Variants in SF3B1 observed in about 807,000 individuals in gnomAD.
SF3B1 encodes the protein splicing factor 3b subunit 1.
A neutral mutation model predicts 153.8 loss-of-function variants in SF3B1; 12 were observed. The ratio of observed to expected loss-of-function variants is 0.08; its 90% CI spans 0.05 to 0.13. The LOEUF is 0.13. Among genes scored for constraint, SF3B1 ranks in the 10% least tolerant of loss-of-function variants. The pLI is 1.00. For synonymous variants in SF3B1, 498 were observed against 525.2 expected (o/e 0.95, Z 0.71); for missense variants, 513 against 1,606.1 (o/e 0.32, Z 11.63).
intron 6 of SF3B1, among the ~76,000 whole-genome samples, chr2:197,410,582 AGCAACCTCT>A (rs1438944100): frequency 2.1e-5 from 3 of 143,322 alleles, no homozygotes; most frequent in African/African-American, 7.9e-5. Context: ...CTTGGCTCAC[AGCAACCTCT>A]GCCTCCCGGG....
Position 197,405,065 on chromosome 2 carries a change from C to T in SF3B1, c.1539+11G>A. The T allele has an allele frequency of 6.6e-7, 1 of 1,525,868 alleles. No individual in the cohort carries two copies. Among genetic ancestry groups the T allele is most frequent in the Non-Finnish European group, 9.0e-7 (1 of 1,116,978 alleles). 94.5% of individuals were successfully genotyped at this position (1,525,868 alleles called of 1,614,324 possible). On this transcript the variant is annotated intron_variant, in intron 11 of 24. Coordinates refer to ENST00000335508, the MANE Select transcript of SF3B1 (RefSeq NM_012433.4). ...GCAACAAACATGACAATTTAACAAA[C>T]TGGGACTTACCTTTCTCATTGGTGG... is the stretch of plus-strand genomic sequence containing the variant.
chr2:197,426,582 G>A (rs2085340227), intron 1 of SF3B1, among the ~76,000 whole-genome samples: 1 of 152,138 alleles, frequency 6.6e-6, no homozygotes. Context: ...TGAATCAGGA[G>A]AAATAGTCTG....
chr2:197,409,647 A>G (rs2085039901), intron 7 of SF3B1, 123 bp downstream of exon 7: 1 of 790,310 alleles, frequency 1.3e-6, no homozygotes, highest in Non-Finnish European at 2.2e-6. Context: ...TCTATTCTTA[A>G]TCTGTCCCCC....
chr2:197,428,970 C>CAAA (rs1258523550), intron 1 of SF3B1, among the ~76,000 whole-genome samples: 19 of 140,530 alleles, frequency 1.4e-4, no homozygotes, highest in African/African-American at 4.5e-4. Context: ...AACTCCATCT[C>CAAA]AAAAAAAAAA....
At chr2:197,427,503 T>C (rs370248426) in intron 1 of SF3B1, among the ~76,000 whole-genome samples, 1 of 152,274 alleles carries the variant, frequency 6.6e-6, no homozygotes. Flanking sequence ...TAATAAACTA[T>C]GTGCTAAAAT....
At chr2:197,412,291 C>T (rs2085080495) in intron 6 of SF3B1, among the ~76,000 whole-genome samples, 1 of 151,908 alleles carries the variant, frequency 6.6e-6, no homozygotes, top group East Asian at 1.9e-4. Flanking sequence ...GACTAGGGTA[C>T]AGTTGTATTA....
Position 197,416,837 on chromosome 2 carries a change from G to A in SF3B1, c.570C>T (p.Ser190=), listed in dbSNP as rs2106005075. The A allele has an allele frequency of 6.2e-7, 1 of 1,614,010 alleles. No individual in the cohort carries two copies. Among genetic ancestry groups the A allele is most frequent in the Non-Finnish European group, 8.5e-7 (1 of 1,179,974 alleles). The change falls in exon 6 of 25, where the codon TCC becomes TCT. Residue 190 remains serine (S), a synonymous_variant. Coordinates refer to ENST00000335508, the MANE Select transcript of SF3B1 (RefSeq NM_012433.4). ...ELKVVNGAAA[S]QPPSKRKRRW... Reference sequence around the variant, plus strand: ...GCCGTTTTCGTTTTGATGGAGGCTGGGACGCTGCTGCTCCATTGACGACTT... The same window carrying A: ...GCCGTTTTCGTTTTGATGGAGGCTGAGACGCTGCTGCTCCATTGACGACTT...
chr2:197,398,864 T>G, intron 20 of SF3B1: 16 of 470,164 alleles, frequency 3.4e-5, no homozygotes, highest in East Asian at 1.7e-4. Context: ...ATTTGTGCAC[T>G]GACATTTAAA....
chr2:197,434,966 G>T lies in SF3B1; in HGVS notation c.28+6C>A. 6.2e-7 allele frequency: 1 copy of T among 1,613,946 alleles called. No individual in the cohort carries two copies. Among genetic ancestry groups the T allele is most frequent in the Non-Finnish European group, 8.5e-7 (1 of 1,179,752 alleles). On this transcript the variant is annotated splice_donor_region_variant and intron_variant, in intron 1 of 24. Coordinates refer to ENST00000335508, the MANE Select transcript of SF3B1 (RefSeq NM_012433.4). ...GAAAACACGTAAGCAGGGAAAGACC[G>T]CTTACCTTCGTGAGTCTTGGCGATC... is the stretch of plus-strand genomic sequence containing the variant.
At chr2:197,430,800 G>A (rs1031189078) in intron 1 of SF3B1, among the ~76,000 whole-genome samples, 1 of 151,902 alleles carries the variant, frequency 6.6e-6, no homozygotes, top group African/African-American at 2.4e-5. Flanking sequence ...TGCCCGGCCT[G>A]TTGTTTTGTT....
intron 5 of SF3B1, among the ~76,000 whole-genome samples, chr2:197,417,510 G>C (rs1036243909): frequency 1.1e-4 from 16 of 150,628 alleles, no homozygotes; most frequent in African/African-American, 3.9e-4. Flanking sequence ...GGTTAAGGCG[G>C]GCAGATCACC....
chr2:197,404,205 C>T (rs188624472), intron 11 of SF3B1, among the ~76,000 whole-genome samples: 8 of 152,176 alleles, frequency 5.3e-5, no homozygotes, highest in East Asian at 1.9e-4. Context: ...CAGCTGGGCA[C>T]GGTGGCTCAC....
chr2:197,397,511 A>G (rs772580400), intron 22 of SF3B1, among the ~76,000 whole-genome samples: 5 of 152,182 alleles, frequency 3.3e-5, no homozygotes, highest in Non-Finnish European at 7.3e-5. Flanking sequence ...ATTTAAGACT[A>G]CAGGCTGTGC....
At chr2:197,413,628 G>C (rs1229540119) in intron 6 of SF3B1, among the ~76,000 whole-genome samples, 1 of 152,082 alleles carries the variant, frequency 6.6e-6, no homozygotes, top group African/African-American at 2.4e-5. Context: ...TAGCAGTCTA[G>C]GCTAGAGCTA....
chr2:197,392,577 G>GGC (rs1336296559), intron 24 of SF3B1, 116 bp from the exon 25 acceptor site: 2 of 318,980 alleles, frequency 6.3e-6, no homozygotes, highest in Non-Finnish European at 1.2e-5. Context: ...AGTTGGGGGG[G>GGC]GGGGAACCTA....
intron 12 of SF3B1, among the ~76,000 whole-genome samples, 179 bp from the exon 13 acceptor site, chr2:197,403,214 A>G (rs556941420): frequency 6.6e-6 from 1 of 152,328 alleles, no homozygotes; most frequent in African/African-American, 2.4e-5. Context: ...ATGAAAATTT[A>G]AGAGAGCTAT....
In SF3B1 at chr2:197,423,929, A is replaced by G. The variant is rs958668455; in HGVS notation, c.74T>C (p.Leu25Pro). The change falls in exon 2 of 25, where the codon CTT becomes CCT. Residue 25 changes from leucine to proline, a missense_variant. Coordinates refer to ENST00000335508, the MANE Select transcript of SF3B1 (RefSeq NM_012433.4). ...IREIQGKKAA[L>P]DEAQGVGLDS... ...GAGGCCCACTCCTTGAGCTTCATCAAGAGCTGCCTTCTTGCCTTGAATTTC... is the reference window on the plus strand; with the variant it reads ...GAGGCCCACTCCTTGAGCTTCATCAGGAGCTGCCTTCTTGCCTTGAATTTC... The G allele has an allele frequency of 6.2e-7, 1 of 1,611,494 alleles. No individual in the cohort carries two copies. The highest frequency in any genetic ancestry group is 1.7e-5 in the Admixed American group (1 of 59,286).
intron 7 of SF3B1, 129 bp downstream of exon 7, chr2:197,409,641 T>A (rs2085039831): frequency 1.3e-6 from 1 of 773,918 alleles, no homozygotes; most frequent in East Asian, 2.4e-5. Flanking sequence ...AACTGTTCTA[T>A]TCTTAATCTG....
At chr2:197,398,347 C>A (rs1054173199) in intron 21 of SF3B1, 114 bp downstream of exon 21, 21 of 1,150,446 alleles carry the variant, frequency 1.8e-5, no homozygotes, top group African/African-American at 1.6e-4. Context: ...TACTGGATAG[C>A]CTAATCTTTT....
Sources: allele counts gnomAD v4.1 joint callset (sites outside exome capture counted in the v4.1 genomes callset), GRCh38; gene constraint gnomAD v4.1.1; transcripts MANE v1.5; gene names NCBI Gene and HGNC (gene_info 2026-07-23, HGNC 2026-07-21).